Variants in PAX3 observed in about 807,000 individuals in gnomAD.
PAX3 encodes the protein paired box protein Pax-3.
A neutral mutation model predicts 51.6 loss-of-function variants in PAX3; 14 were observed. That is an observed-to-expected ratio of 0.27 (90% CI 0.18 to 0.42). The LOEUF (loss-of-function observed/expected upper bound fraction) is 0.42. Ranked by LOEUF, PAX3 falls within the 10% of genes least tolerant of loss-of-function variation. The probability of loss-of-function intolerance (pLI) is 1.00; values close to 1 mark genes in which losing one functional copy is unlikely to be tolerated. For synonymous variants in PAX3, 280 were observed against 253.4 expected (o/e 1.11, Z -1.00); for missense variants, 540 against 642.8 (o/e 0.84, Z 1.73).
At chr2:222,226,473 G>A (rs1247273275) in intron 5 of PAX3, among the ~76,000 whole-genome samples, 1 of 152,000 alleles carries the variant, frequency 6.6e-6, no homozygotes. Context: ...ACACACAAAA[G>A]CACACTCAAC....
At chr2:222,270,861 A>T (rs991376364) in intron 4 of PAX3, among the ~76,000 whole-genome samples, 1 of 152,204 alleles carries the variant, frequency 6.6e-6, no homozygotes, top group Non-Finnish European at 1.5e-5. Context: ...CCCAGTAACT[A>T]GGTCCCTTAT....
At chr2:222,271,406 A>G (rs1694248793) in intron 4 of PAX3, among the ~76,000 whole-genome samples, 1 of 152,238 alleles carries the variant, frequency 6.6e-6, no homozygotes, top group Non-Finnish European at 1.5e-5. Context: ...TCATGTAAAT[A>G]TAACTGTGAC....
intron 4 of PAX3, among the ~76,000 whole-genome samples, chr2:222,287,739 G>T (rs1483659954): frequency 6.6e-6 from 1 of 152,176 alleles, no homozygotes; most frequent in Non-Finnish European, 1.5e-5. Flanking sequence ...ACATCAGAGA[G>T]CATTTGAGCA....
At chr2:222,224,599 A>G (rs1425768126) in intron 5 of PAX3, among the ~76,000 whole-genome samples, 4 of 152,172 alleles carry the variant, frequency 2.6e-5, no homozygotes, top group Non-Finnish European at 5.9e-5. Context: ...TACCCTAGAA[A>G]TGACCTTTAC....
intron 4 of PAX3, among the ~76,000 whole-genome samples, chr2:222,274,337 A>G (rs1694347546): frequency 6.6e-6 from 1 of 151,938 alleles, no homozygotes; most frequent in South Asian, 2.1e-4. Flanking sequence ...GTATAAATTT[A>G]TATTTATATT....
intron 3 of PAX3, among the ~76,000 whole-genome samples, chr2:222,295,100 T>C (rs2106199126): frequency 6.6e-6 from 1 of 152,110 alleles, no homozygotes; most frequent in South Asian, 2.1e-4. Context: ...TCCCTGAGAC[T>C]CTCGGAGGAA....
rs191266437 is a variant in PAX3, at chr2:222,208,828, C to T, written c.1174-6638G>A. Among the ~76,000 whole-genome samples the T allele has an allele frequency of 3.9e-5, 6 of 152,202 alleles. No homozygotes were observed. The East Asian group carries it at 5.8e-4, about 15-fold the overall frequency. On this transcript the variant is annotated intron_variant, in intron 7 of 8. Coordinates refer to ENST00000392070, the MANE Select transcript of PAX3 (RefSeq NM_181458.4). ...GATTCTAAATATAGAAAGAGAAAAG[C>T]TCTATGTTTGGGCATCTCACAATAC...
intron 4 of PAX3, among the ~76,000 whole-genome samples, chr2:222,266,252 A>G (rs1694052062): frequency 6.6e-6 from 1 of 152,220 alleles, no homozygotes; most frequent in Non-Finnish European, 1.5e-5. Context: ...TATGTGCAAG[A>G]GTCCCAAAGT....
chr2:222,201,321 T>G lies in PAX3; in HGVS notation c.*87A>C, dbSNP rs1691283810. 1 of 1,607,454 alleles carries G rather than the reference T, an allele frequency of 6.2e-7. No individual in the cohort carries two copies. The highest frequency in any genetic ancestry group is 2.3e-5 in the East Asian group (1 of 42,748). On this transcript the variant is annotated 3_prime_UTR_variant, in exon 9 of 9. Transcript: ENST00000392070. ...CCACCCCCCCCAACAAAAGGGTAAT[T>G]TTTTTTTGTTTTCAGAGCAGATTCT...
intron 4 of PAX3, among the ~76,000 whole-genome samples, chr2:222,272,138 T>A (rs1559300449): frequency 6.6e-6 from 1 of 152,274 alleles, no homozygotes; most frequent in South Asian, 2.1e-4. Context: ...TAGCCGCCAC[T>A]GTTTATCCCA....
At chr2:222,254,550 G>A (rs1157765809) in intron 4 of PAX3, among the ~76,000 whole-genome samples, 1 of 152,114 alleles carries the variant, frequency 6.6e-6, no homozygotes, top group African/African-American at 2.4e-5. Context: ...CTCTGGATCT[G>A]CCCTAAACTG....
chr2:222,291,769 G>T (rs1331274292), intron 4 of PAX3, among the ~76,000 whole-genome samples: 1 of 152,052 alleles, frequency 6.6e-6, no homozygotes, highest in South Asian at 2.1e-4. Context: ...TTTTACAAGC[G>T]GGCAGCCTGG....
At chr2:222,211,715 T>A (rs533966753) in intron 7 of PAX3, among the ~76,000 whole-genome samples, 82 of 152,304 alleles carry the variant, frequency 5.4e-4, no homozygotes, top group African/African-American at 1.8e-3. Flanking sequence ...TAAAACTTGA[T>A]AGTTTGGTAT....
intron 7 of PAX3, among the ~76,000 whole-genome samples, chr2:222,219,194 A>T (rs1692086710): frequency 6.6e-6 from 1 of 152,002 alleles, no homozygotes; most frequent in African/African-American, 2.4e-5. Context: ...TTCACTTTTC[A>T]TTTGTGTCAT....
At chr2:222,209,677 C>G (rs1691643372) in intron 7 of PAX3, among the ~76,000 whole-genome samples, 1 of 92,714 alleles carries the variant, frequency 1.1e-5, no homozygotes, top group Non-Finnish European at 2.0e-5. Context: ...CTAGTCAATA[C>G]AGCAAAACTC....
In PAX3 at chr2:222,221,329, A is replaced by G. The variant is rs1366586889; in HGVS notation, c.851T>C (p.Met284Thr). ...WRKQAGANQLMAFNHLIPGGF... is the reference protein window; with the variant it reads ...WRKQAGANQLTAFNHLIPGGF... ...CCCGGGAATGAGATGGTTGAAAGCC[A>G]TCAGTTGATTGGCCCCAGCTTGCTT... The change falls in exon 6 of 9, where the codon ATG becomes ACG. Residue 284 changes from methionine to threonine, a missense_variant. Met to Thr is a moderately conservative substitution (Grantham distance 81). This residue lies in a region of PAX3 where 427 missense variants were observed against 483.6 expected (regional missense o/e 0.88). Transcript: ENST00000392070. 3.1e-6 allele frequency: 5 copies of G among 1,614,096 alleles called. No individual in the cohort carries two copies. Among genetic ancestry groups the G allele is most frequent in the East Asian group, 2.2e-5 (1 of 44,878 alleles).
intron 4 of PAX3, among the ~76,000 whole-genome samples, chr2:222,251,739 G>T (rs918257714): frequency 1.3e-5 from 2 of 152,154 alleles, no homozygotes; most frequent in African/African-American, 2.4e-5. Flanking sequence ...GTGTAAAAGT[G>T]TTCCTATTTC....
At chr2:222,251,900 A>C (rs1330978094) in intron 4 of PAX3, among the ~76,000 whole-genome samples, 1 of 152,162 alleles carries the variant, frequency 6.6e-6, no homozygotes, top group Non-Finnish European at 1.5e-5. Context: ...TTGCTACATA[A>C]CCAGAATTTA....
rs879673712 is a variant in PAX3, at chr2:222,296,447, AT to A, written c.321+530del. On this transcript the variant is annotated intron_variant, in intron 2 of 8. Transcript: ENST00000392070. ...ATTTAAGGATAGCACCAAACTGCTT[AT>A]TTTTTTTTAATGGAGTCATTGGCTT... 1.4e-3 allele frequency among the ~76,000 whole-genome samples: 205 copies of A among 151,306 alleles called. 2 individuals carry two copies. The highest frequency in any genetic ancestry group is 1.5e-3 in the Non-Finnish European group (101 of 67,688).
Sources: gnomAD v4.1 joint callset for allele counts (sites outside exome capture counted in the v4.1 genomes callset) on GRCh38, gnomAD v4.1.1 for gene constraint, gnomAD v4.1.1 regional missense constraint, MANE v1.5 for transcripts, NCBI Gene and HGNC (gene_info 2026-07-23, HGNC 2026-07-21) for gene names.